Variants in RALGPS1 observed in about 807,000 individuals in gnomAD.
RALGPS1 encodes ras-specific guanine nucleotide-releasing factor RalGPS1.
Under a neutral mutation model 78.8 loss-of-function variants are expected in RALGPS1, and 19 were observed. The ratio of observed to expected loss-of-function variants is 0.24; its 90% CI spans 0.17 to 0.35. RALGPS1 has a LOEUF of 0.35. Among genes scored for constraint, RALGPS1 ranks in the 10% least tolerant of loss-of-function variants. RALGPS1 has a pLI of 1.00. For missense variants in RALGPS1, 454 were observed against 688.3 expected, an observed-to-expected ratio of 0.66 and a Z score of 3.81; for synonymous variants, 228 against 256.3, an observed-to-expected ratio of 0.89 and a Z score of 1.06.
intron 13 of RALGPS1, among the ~76,000 whole-genome samples, chr9:127,198,664 C>G (rs1225727013): frequency 6.6e-6 from 1 of 152,148 alleles, no homozygotes; most frequent in Non-Finnish European, 1.5e-5. Flanking sequence ...CAGGTGAGGC[C>G]TGTTCTAGTC....
chr9:127,109,749 G>A (rs766714168), intron 8 of RALGPS1, among the ~76,000 whole-genome samples: 1 of 152,202 alleles, frequency 6.6e-6, no homozygotes, highest in Non-Finnish European at 1.5e-5. Context: ...TGCCCTCATG[G>A]GGCTTTCACA....
At chr9:127,216,961 T>C in intron 18 of RALGPS1, 1 of 1,546,550 alleles carries the variant, frequency 6.5e-7, no homozygotes, top group Middle Eastern at 1.7e-4. Context: ...GTGGACCACC[T>C]GGAGGGCGGT....
chr9:127,114,776 G>A (rs7029810), intron 8 of RALGPS1, among the ~76,000 whole-genome samples: 3,409 of 152,356 alleles, frequency 0.022, 124 homozygotes, highest in African/African-American at 0.077. Flanking sequence ...ATCTGGAACT[G>A]CCAGCTGGCC....
chr9:126,933,625 G>A (rs1428389769), intron 1 of RALGPS1, among the ~76,000 whole-genome samples: 2 of 152,146 alleles, frequency 1.3e-5, no homozygotes, highest in East Asian at 1.9e-4. Flanking sequence ...GAGGAGGGTC[G>A]GGAGGGAGCA....
intron 1 of RALGPS1, among the ~76,000 whole-genome samples, chr9:126,936,785 C>G (rs1302269465): frequency 1.3e-5 from 2 of 150,544 alleles, no homozygotes; most frequent in African/African-American, 4.9e-5. Context: ...AACCCAAGGA[C>G]AAGGGAAGTG....
chr9:127,066,858 G>T (rs1453562183), intron 7 of RALGPS1, among the ~76,000 whole-genome samples: 2 of 151,958 alleles, frequency 1.3e-5, no homozygotes, highest in African/African-American at 4.8e-5. Context: ...TGTCACCCAG[G>T]CTGGAGTACG....
Position 127,034,470 on chromosome 9 carries a change from AG to A in RALGPS1, c.257del (p.Ser86IlefsTer25). 6.2e-7 allele frequency: 1 copy of A among 1,614,172 alleles called. No homozygotes were observed. The highest frequency in any genetic ancestry group is 1.3e-5 in the African/African-American group (1 of 75,046). On this transcript the variant is annotated frameshift_variant, in exon 5 of 19. Transcript: ENST00000259351. LOFTEE classifies it high-confidence loss of function. Reference protein sequence around the residue: ...SCGWSKKEKHSLAPNVVAFTR... With the variant: ...SCGWSKKEKHXLAPNVVAFTR... ...TGGATGGAGTAAGAAGGAGAAACAC[AG>A]TCTTGCCCCTAACGTTGTGGCCTTT...
Position 127,188,445 on chromosome 9 carries a change from AG to A in RALGPS1, c.911-6645del, listed in dbSNP as rs1419806067. ...TCTAAGCCACAAACCTTTCCTTTAG[AG>A]TCATGCCTCTCCAGTTCCATTACGG... On this transcript the variant is annotated intron_variant, in intron 11 of 18. Transcript: ENST00000259351. Among the ~76,000 whole-genome samples, 7 of 152,222 alleles carry A rather than the reference AG, an allele frequency of 4.6e-5. No homozygotes were observed. In the East Asian group the frequency reaches 1.4e-3, roughly 30 times the overall value.
intron 4 of RALGPS1, among the ~76,000 whole-genome samples, chr9:127,003,885 C>A (rs2043586285): frequency 1.3e-5 from 2 of 152,136 alleles, no homozygotes; most frequent in South Asian, 4.1e-4. Flanking sequence ...AGTTGTCCAG[C>A]ATCTCTGTCA....
At chr9:127,051,222 C>T (rs2048284331) in intron 6 of RALGPS1, among the ~76,000 whole-genome samples, 1 of 152,224 alleles carries the variant, frequency 6.6e-6, no homozygotes, top group South Asian at 2.1e-4. Flanking sequence ...CAGTTCTGTT[C>T]TGGGCCACAA....
At position 127,060,273 on chromosome 9, in the gene RALGPS1, C is replaced by G. The variant is rs1180327179; in HGVS notation, c.483+7334C>G. Among the ~76,000 whole-genome samples, 4 of 152,244 alleles carry G rather than the reference C, an allele frequency of 2.6e-5. No individual in the cohort carries two copies. The East Asian group carries it at 5.8e-4, about 22-fold the overall frequency. On this transcript the variant is annotated intron_variant, in intron 7 of 18. Transcript: ENST00000259351. ...AACTCATCTGTGAGAAATTGTCACC[C>G]TAGCCTGAACCTCATGCAGCGAAGG...
At chr9:126,975,836 G>C (rs1006325191) in intron 3 of RALGPS1, among the ~76,000 whole-genome samples, 3 of 152,168 alleles carry the variant, frequency 2.0e-5, no homozygotes, top group Non-Finnish European at 4.4e-5. Context: ...GGAGGCGGAA[G>C]AGCTCAGATT....
At chr9:126,933,778 G>T (rs1346555078) in intron 1 of RALGPS1, among the ~76,000 whole-genome samples, 1 of 152,124 alleles carries the variant, frequency 6.6e-6, no homozygotes, top group East Asian at 1.9e-4. Flanking sequence ...TGGCCACGGA[G>T]CTCATAGCAC....
intron 4 of RALGPS1, among the ~76,000 whole-genome samples, chr9:127,000,531 T>C (rs2043191326): frequency 7.3e-6 from 1 of 137,350 alleles, no homozygotes; most frequent in African/African-American, 2.6e-5. Flanking sequence ...TTTCTTGTCT[T>C]GTCTTTTTTT....
chr9:127,058,426 G>C lies in RALGPS1; in HGVS notation c.483+5487G>C, dbSNP rs142633160. Among the ~76,000 whole-genome samples the C allele has an allele frequency of 1.1e-4, 16 of 152,268 alleles. No individual in the cohort carries two copies. The East Asian group carries it at 3.1e-3, about 29-fold the overall frequency. The stretch of plus-strand genomic sequence containing the variant: ...GATGGGGACCAAGAGTGGAAACTGG[G>C]GGCCTACTCAGCAGGTTAGGGCAGA... On this transcript the variant is annotated intron_variant, in intron 7 of 18. Transcript: ENST00000259351.
intron 11 of RALGPS1, among the ~76,000 whole-genome samples, chr9:127,194,820 G>A (rs1413373496): frequency 6.6e-6 from 1 of 152,200 alleles, no homozygotes; most frequent in Non-Finnish European, 1.5e-5. Flanking sequence ...GTCCATCCAT[G>A]GTGCCCTCCC....
chr9:127,082,481 C>T (rs2051277040), intron 8 of RALGPS1, among the ~76,000 whole-genome samples: 1 of 152,136 alleles, frequency 6.6e-6, no homozygotes, highest in Non-Finnish European at 1.5e-5. Flanking sequence ...CCTGACATAT[C>T]CACTCCTGCT....
At chr9:127,084,755 A>G (rs189673248) in intron 8 of RALGPS1, among the ~76,000 whole-genome samples, 2 of 152,390 alleles carry the variant, frequency 1.3e-5, no homozygotes, top group Non-Finnish European at 2.9e-5. Flanking sequence ...CTAATGCTGG[A>G]GAGCCAGTGC....
chr9:127,046,226 T>G (rs1205782927), intron 5 of RALGPS1, among the ~76,000 whole-genome samples: 1 of 152,218 alleles, frequency 6.6e-6, no homozygotes, highest in Non-Finnish European at 1.5e-5. Context: ...GCAGAAAATT[T>G]CAAATAATCT....
Sources: gnomAD v4.1 joint callset for allele counts (sites outside exome capture counted in the v4.1 genomes callset) on GRCh38, gnomAD v4.1.1 for gene constraint, MANE v1.5 for transcripts, NCBI Gene and HGNC (gene_info 2026-07-23, HGNC 2026-07-21) for gene names.